The following SLC49A3 variants were observed in gnomAD, a reference collection of about 807,000 sequenced individuals.
SLC49A3 encodes the protein solute carrier family 49 member A3.
Under a neutral mutation model 43.8 loss-of-function variants are expected in SLC49A3, and 50 were observed. The observed-to-expected ratio is 1.14, with a 90% confidence interval of 0.91 to 1.45. SLC49A3 has a LOEUF of 1.45. Ranked by LOEUF, SLC49A3 falls within the 40% of genes most tolerant of loss-of-function variation. The pLI is 0.00. For synonymous variants in SLC49A3, 413 were observed against 352.0 expected, an observed-to-expected ratio of 1.17 and a Z score of -1.94; for missense variants, 906 against 774.1, an observed-to-expected ratio of 1.17 and a Z score of -2.02.
chr4:682,615 A>G (rs1740003387), intron 9 of SLC49A3, among the ~76,000 whole-genome samples, 166 bp downstream of exon 9: 1 of 152,012 alleles, frequency 6.6e-6, no homozygotes, highest in South Asian at 2.1e-4. Flanking sequence ...TCTCGGCCAC[A>G]CCTGTCCTGG....
At chr4:690,033 C>G (rs1741746327), upstream of SLC49A3, among the ~76,000 whole-genome samples, 1 of 152,216 alleles carries the variant, frequency 6.6e-6, no homozygotes, top group Non-Finnish European at 1.5e-5. Context: ...ACCCTTGAAA[C>G]CATCCCCGTT....
At chr4:682,423 A>G (rs763229604) in intron 9 of SLC49A3, 47 bp from the exon 10 acceptor site, 3 of 1,312,796 alleles carry the variant, frequency 2.3e-6, no homozygotes, top group South Asian at 5.8e-5. Context: ...CCCAGGGGCC[A>G]CAGATGGGCA....
intron 8 of SLC49A3, 65 bp downstream of exon 8, chr4:683,145 A>G: frequency 6.3e-7 from 1 of 1,586,308 alleles, no homozygotes; most frequent in Non-Finnish European, 8.6e-7. Flanking sequence ...GTGCAACCCC[A>G]GGGGTGTAGG....
intron 1 of SLC49A3, 34 bp downstream of exon 1, chr4:688,959 T>C: frequency 6.3e-7 from 1 of 1,575,588 alleles, no homozygotes. Flanking sequence ...GGACTGAGGG[T>C]CCCGGAGCCA....
intron 7 of SLC49A3, 57 bp downstream of exon 7, chr4:683,552 C>A (rs189932119): frequency 3.8e-6 from 6 of 1,563,306 alleles, no homozygotes; most frequent in Admixed American, 1.9e-5. Flanking sequence ...CCGCCCTCTC[C>A]GGGCCTCACC....
chr4:678,191 T>C (rs1739047387), downstream of SLC49A3: 10 of 1,525,996 alleles, frequency 6.6e-6, no homozygotes, highest in Non-Finnish European at 6.2e-6. Flanking sequence ...AGCGTGTGTA[T>C]GTGCGTGTGT....
Position 681,945 on chromosome 4 carries a change from A to G in SLC49A3, c.*13T>C. The G allele has an allele frequency of 7.4e-7, 1 of 1,344,424 alleles. No homozygotes were observed. Among genetic ancestry groups the G allele is most frequent in the Non-Finnish European group, 9.7e-7 (1 of 1,035,624 alleles). The allele number at this position is 1,344,424 out of a possible 1,614,324, so 83.3% of individuals were successfully genotyped here. A position where few individuals can be genotyped will look rare whatever the true frequency, so the allele number is the denominator to read the frequency against. On this transcript the variant is annotated 3_prime_UTR_variant, in exon 10 of 10. Coordinates refer to ENST00000322224, the MANE Select transcript of SLC49A3 (RefSeq NM_032219.4). ...ATCGATGTGGCGGGCAACCTGGACT[A>G]CAAGGCGCTCAGCTACGTGATCACC...
chr4:678,625 C>T (rs920278530), downstream of SLC49A3: 1 of 1,582,164 alleles, frequency 6.3e-7, no homozygotes, highest in Non-Finnish European at 8.6e-7. Context: ...GTCAGCCAGC[C>T]CAGGACCCTC....
chr4:689,459 A>G (rs1741676412), upstream of SLC49A3: 1 of 199,830 alleles, frequency 5.0e-6, no homozygotes, highest in Non-Finnish European at 1.0e-5. Flanking sequence ...GGCGGCCTGG[A>G]AGTCACTCTG....
chr4:682,608 C>T (rs573131892), intron 9 of SLC49A3, among the ~76,000 whole-genome samples, 173 bp downstream of exon 9: 201 of 152,282 alleles, frequency 1.3e-3, no homozygotes, highest in Non-Finnish European at 2.2e-3. Flanking sequence ...TCTCTGATCT[C>T]GGCCACACCT....
rs760138665 is a variant in SLC49A3, at chr4:686,293, C to T, written c.304G>A (p.Gly102Ser). ...CTCCCGGCAAAGTTCAGCCACGCAC[C>T]CAGGATGGTCTGCGAGGAGGGGGTC... ...SVGLRAATIL[G>S]AWLNFAGSVL... Residue 102 changes from glycine (G) to serine (S), a missense_variant, in exon 3 of 10, where the codon GGT becomes AGT. By Grantham distance (56) the Gly-to-Ser change is moderately conservative (BLOSUM62 0). Coordinates refer to ENST00000322224, the MANE Select transcript of SLC49A3 (RefSeq NM_032219.4). 6.2e-7 allele frequency: 1 copy of T among 1,613,230 alleles called. No individual in the cohort carries two copies. The highest frequency in any genetic ancestry group is 1.7e-5 in the Admixed American group (1 of 60,028).
chr4:687,965 T>TTTCTGTGTGCTCCATGATGACTCGTGGA (rs1741381984), intron 1 of SLC49A3: 1 of 152,088 alleles, frequency 6.6e-6, no homozygotes, highest in Non-Finnish European at 1.5e-5. Context: ...CAGGGTGAGA[T>TTTCTGTGTGCTCCATGATGACTCGTGGA]TTCTGTGTGC....
downstream of SLC49A3, chr4:679,310 C>T: frequency 2.6e-6 from 1 of 381,054 alleles, no homozygotes; most frequent in South Asian, 2.9e-5. Context: ...GGGGCTGACT[C>T]TCTGGTAGGA....
downstream of SLC49A3, among the ~76,000 whole-genome samples, chr4:679,370 C>G (rs565352605): frequency 3.8e-3 from 582 of 152,012 alleles, 3 homozygotes; most frequent in African/African-American, 0.013. Flanking sequence ...ACAGAGCTGA[C>G]AGAGGGCATG....
Position 682,132 on chromosome 4 carries a change from T to C in SLC49A3, c.1506A>G (p.Arg502=). ...TARGASLEDP[R]GPGSPHPACH... is the part of the protein sequence containing the mutation. ...AGGCTGGGTGGGGGCTCCCGGGCCCTCTGGGGTCCTCTAGCGAGGCCCCCC... is the reference window on the plus strand; with the variant it reads ...AGGCTGGGTGGGGGCTCCCGGGCCCCCTGGGGTCCTCTAGCGAGGCCCCCC... Residue 502 remains arginine, a synonymous_variant, in exon 10 of 10, where the codon AGA becomes AGG. Coordinates refer to ENST00000322224, the MANE Select transcript of SLC49A3 (RefSeq NM_032219.4). 1 of 1,345,630 alleles carries C rather than the reference T, an allele frequency of 7.4e-7. No homozygotes were observed. The highest frequency in any genetic ancestry group is 1.9e-5 in the South Asian group (1 of 53,678). 83.4% of individuals were successfully genotyped at this position (1,345,630 alleles called of 1,614,324 possible).
rs141973392 is a variant in SLC49A3, at chr4:683,343, G to A, written c.1018C>T (p.Leu340Phe). Residue 340 changes from leucine (L) to phenylalanine (F), a missense_variant, in exon 8 of 10, where the codon CTT becomes TTT. By Grantham distance (22) the Leu-to-Phe change is conservative. Transcript: ENST00000322224. ...ALVSQLQGQT[L>F]ALAATCSLLG... is the part of the protein sequence containing the mutation. ...AGCGAGCAGGTGGCAGCCAGGGCAA[G>A]GGTCTGTCCCTGCAGCTGGGACACC... The A allele has an allele frequency of 6.2e-7, 1 of 1,611,784 alleles. No individual in the cohort carries two copies. The highest frequency in any genetic ancestry group is 8.5e-7 in the Non-Finnish European group (1 of 1,179,388).
At chr4:680,374 G>A (rs1293229957), downstream of SLC49A3, 6 of 949,790 alleles carry the variant, frequency 6.3e-6, no homozygotes, top group South Asian at 5.6e-5. Flanking sequence ...AGGCCTTCAG[G>A]CAGAGGCCAC....
chr4:680,434 C>T, downstream of SLC49A3: 1 of 1,448,970 alleles, frequency 6.9e-7, no homozygotes. Flanking sequence ...AGGGGTCTCC[C>T]CTCCTGCCAT....
intron 7 of SLC49A3, 33 bp downstream of exon 7, chr4:683,576 C>A (rs753544271): frequency 5.0e-6 from 8 of 1,590,136 alleles, no homozygotes; most frequent in South Asian, 1.1e-5. Flanking sequence ...CACCCACCCC[C>A]ACAGGGCAGT....
Sources: allele counts gnomAD v4.1 joint callset (sites outside exome capture counted in the v4.1 genomes callset), GRCh38; gene constraint gnomAD v4.1.1; transcripts MANE v1.5; gene names NCBI Gene and HGNC (gene_info 2026-07-23, HGNC 2026-07-21).